Variants in SCRN1 observed in about 807,000 individuals in gnomAD.
The protein encoded by SCRN1 is secernin-1.
SCRN1 carries 19 observed loss-of-function variants against 43.3 expected under a neutral mutation model. The observed-to-expected ratio is 0.44, with a 90% CI of 0.31 to 0.64. SCRN1 has a LOEUF of 0.64. Among genes scored for constraint, SCRN1 ranks in the 30% least tolerant of loss-of-function variants. The pLI, the probability that SCRN1 is intolerant of heterozygous loss-of-function variation, is 0.09. For synonymous variants in SCRN1, 183 were observed against 188.9 expected (o/e 0.97, Z 0.26); for missense variants, 447 against 524.1 (o/e 0.85, Z 1.44).
At chr7:29,959,949 A>G (rs1026846610) in intron 2 of SCRN1, among the ~76,000 whole-genome samples, 5 of 136,610 alleles carry the variant, frequency 3.7e-5, no homozygotes, top group African/African-American at 8.1e-5. Flanking sequence ...GAAAGAAAGA[A>G]AGTGGGGGGA....
intron 1 of SCRN1, among the ~76,000 whole-genome samples, chr7:29,986,461 A>C (rs182922834): frequency 1.3e-5 from 2 of 152,094 alleles, no homozygotes; most frequent in Non-Finnish European, 2.9e-5. Context: ...TACACTCAGC[A>C]TATCTCAATA....
intron 1 of SCRN1, among the ~76,000 whole-genome samples, chr7:29,986,785 C>T (rs1370974000): frequency 2.0e-4 from 28 of 139,518 alleles, no homozygotes; most frequent in Middle Eastern, 4.2e-3. Flanking sequence ...AGTGCAGTGG[C>T]ACCATCTCGC....
At chr7:29,945,355 G>C (rs1476752852) in intron 3 of SCRN1, among the ~76,000 whole-genome samples, 1 of 152,174 alleles carries the variant, frequency 6.6e-6, no homozygotes, top group Non-Finnish European at 1.5e-5. Context: ...TGCTATTCTC[G>C]TGATAGTGAA....
At position 29,924,056 on chromosome 7, in the gene SCRN1, G is replaced by A; in HGVS notation, c.1146C>T (p.Ala382=). Residue 382 remains alanine (A), a synonymous_variant, in exon 8 of 8, where the codon GCC becomes GCT. Transcript: ENST00000242059. ...MLELEKQGLE[A]MEEILTSSEP... ...CGGAGCTGGTCAGGATTTCTTCCAT[G>A]GCTTCCAGGCCTTGCTTCTCCAGCT... The A allele has an allele frequency of 6.2e-7, 1 of 1,614,132 alleles. No individual in the cohort carries two copies. Among genetic ancestry groups the A allele is most frequent in the African/African-American group, 1.3e-5 (1 of 75,026 alleles).
intron 2 of SCRN1, among the ~76,000 whole-genome samples, chr7:29,964,885 T>A (rs1488690214): frequency 6.6e-6 from 1 of 152,030 alleles, no homozygotes; most frequent in Non-Finnish European, 1.5e-5. Flanking sequence ...GAGGTTGCAG[T>A]GAGCCAAGAT....
At chr7:29,924,248 G>A (rs1038152904) in intron 7 of SCRN1, 133 bp from the exon 8 acceptor site, 59 of 794,706 alleles carry the variant, frequency 7.4e-5, no homozygotes, top group Admixed American at 1.8e-4. Flanking sequence ...TTTCACACAC[G>A]ACTGCCGCAG....
At chr7:29,937,029 G>T (rs1204047307) in intron 5 of SCRN1, among the ~76,000 whole-genome samples, 1 of 152,272 alleles carries the variant, frequency 6.6e-6, no homozygotes, top group Middle Eastern at 3.4e-3. Context: ...CTGGGCGACA[G>T]AGCGAGACTC....
intron 3 of SCRN1, among the ~76,000 whole-genome samples, chr7:29,953,807 C>T (rs1788038325): frequency 6.6e-6 from 1 of 152,070 alleles, no homozygotes; most frequent in African/African-American, 2.4e-5. Flanking sequence ...GTGCCATTTC[C>T]CCCTACAAAA....
rs576901606 is a variant in SCRN1 at position 29,958,304 on chromosome 7, A to G, written c.160-2944T>C. Among the ~76,000 whole-genome samples, 11 of 152,354 alleles carry G rather than the reference A, an allele frequency of 7.2e-5. No individual in the cohort carries two copies. The East Asian group carries it at 2.1e-3, about 29-fold the overall frequency. ...AAACACACTTGTCTCATGTAGATAGACTGGCTACTTAAAATCCCACTTTGG... is the reference window on the plus strand; with the variant it reads ...AAACACACTTGTCTCATGTAGATAGGCTGGCTACTTAAAATCCCACTTTGG... On this transcript the variant is annotated intron_variant, in intron 2 of 7. Coordinates refer to ENST00000242059, the MANE Select transcript of SCRN1 (RefSeq NM_014766.5).
chr7:29,930,946 A>T (rs73077955), intron 6 of SCRN1, among the ~76,000 whole-genome samples: 51 of 152,324 alleles, frequency 3.3e-4, no homozygotes, highest in Non-Finnish European at 6.9e-4. Flanking sequence ...AGCCTCCCTC[A>T]GCATCCAGCT....
chr7:29,923,672 T>A lies in SCRN1; in HGVS notation c.*285A>T, dbSNP rs1016607759. ...CTCTTGTAAAAGGCTAATGTGTCCA[T>A]TGCCACTGAAATACAATAATAGCAG... On this transcript the variant is annotated 3_prime_UTR_variant, in exon 8 of 8. Coordinates refer to ENST00000242059, the MANE Select transcript of SCRN1 (RefSeq NM_014766.5). The A allele has an allele frequency of 1.0e-4, 30 of 296,186 alleles. No individual in the cohort carries two copies. The highest frequency in any genetic ancestry group is 6.2e-4 in the African/African-American group (29 of 46,446). The allele number at this position is 296,186 out of a possible 1,614,324, so 18.3% of individuals were successfully genotyped here. A position where few individuals can be genotyped will look rare whatever the true frequency, so the allele number is the denominator to read the frequency against.
chr7:29,925,889 A>C (rs1786934334), intron 7 of SCRN1, among the ~76,000 whole-genome samples: 1 of 151,704 alleles, frequency 6.6e-6, no homozygotes, highest in Non-Finnish European at 1.5e-5. Flanking sequence ...GAATATGAGA[A>C]TATTTTCTAA....
chr7:29,941,557 TGA>T (rs1787556934), intron 4 of SCRN1, among the ~76,000 whole-genome samples: 1 of 152,186 alleles, frequency 6.6e-6, no homozygotes, highest in African/African-American at 2.4e-5. Flanking sequence ...CACATGCGTG[TGA>T]GTGTGTGAGA....
At chr7:29,956,743 T>C (rs1270163328) in intron 2 of SCRN1, among the ~76,000 whole-genome samples, 1 of 152,180 alleles carries the variant, frequency 6.6e-6, no homozygotes, top group Non-Finnish European at 1.5e-5. Flanking sequence ...ACTAATTATA[T>C]CCAGAGGTTT....
intron 1 of SCRN1, chr7:29,988,649 C>T (rs958226880): frequency 1.3e-5 from 2 of 152,448 alleles, no homozygotes; most frequent in Admixed American, 6.5e-5. Context: ...CGCGCACACG[C>T]GCACACACAC....
chr7:29,926,966 C>A (rs1054744782), intron 6 of SCRN1, among the ~76,000 whole-genome samples: 2 of 151,578 alleles, frequency 1.3e-5, no homozygotes, highest in Non-Finnish European at 2.9e-5. Context: ...GTGCAAGGAG[C>A]CATCTAGCTG....
chr7:29,980,461 A>G (rs1019817759), intron 1 of SCRN1, among the ~76,000 whole-genome samples: 1 of 152,140 alleles, frequency 6.6e-6, no homozygotes, highest in Non-Finnish European at 1.5e-5. Context: ...AAAACAGTGC[A>G]TTGTGTATTC....
chr7:29,936,749 G>T (rs1032561867), intron 5 of SCRN1, 28 bp from the exon 6 acceptor site: 1 of 1,507,644 alleles, frequency 6.6e-7, no homozygotes, highest in Non-Finnish European at 9.0e-7. Context: ...ACAGACAAAT[G>T]GAAAGAGTAG....
At chr7:29,934,346 G>A (rs954627101) in intron 6 of SCRN1, among the ~76,000 whole-genome samples, 36 of 152,074 alleles carry the variant, frequency 2.4e-4, no homozygotes, top group African/African-American at 8.2e-4. Flanking sequence ...GGTGTCCTGG[G>A]CTCACAAGGC....
Sources: allele counts gnomAD v4.1 joint callset (sites outside exome capture counted in the v4.1 genomes callset), GRCh38; gene constraint gnomAD v4.1.1; transcripts MANE v1.5; gene names NCBI Gene and HGNC (gene_info 2026-07-23, HGNC 2026-07-21).